The following UIMC1 variants were observed in gnomAD, a reference collection of about 807,000 sequenced individuals.
UIMC1 encodes ubiquitin interaction motif containing 1.
UIMC1 carries 42 observed loss-of-function variants against 84.9 expected under a neutral mutation model. The ratio of observed to expected loss-of-function variants is 0.49; its 90% CI spans 0.39 to 0.64. The LOEUF (loss-of-function observed/expected upper bound fraction) is 0.64, where lower values mean the gene tolerates loss of function less well. UIMC1 is among the 30% of genes least tolerant of loss of function. The pLI is 0.00. For synonymous variants in UIMC1, 281 were observed against 293.0 expected (o/e 0.96, Z 0.42); for missense variants, 825 against 847.6 (o/e 0.97, Z 0.33).
Position 176,905,089 on chromosome 5 carries a change from C to T in UIMC1, c.*193G>A, listed in dbSNP as rs548631750. 5 of 459,888 alleles carry T rather than the reference C, an allele frequency of 1.1e-5. No homozygotes were observed. In the South Asian group the frequency reaches 2.5e-4, roughly 23 times the overall value. 28.5% of individuals were successfully genotyped at this position (459,888 alleles called of 1,614,324 possible). ...TTAACTGTAAGTAAATTCAAACAAA[C>T]TGTTATAAAACAGAATACACAGTTG... On this transcript the variant is annotated 3_prime_UTR_variant, in exon 15 of 15. Coordinates refer to ENST00000511320, the MANE Select transcript of UIMC1 (RefSeq NM_001199298.2).
chr5:176,967,149 C>A (rs1768425611), intron 6 of UIMC1, among the ~76,000 whole-genome samples: 1 of 152,134 alleles, frequency 6.6e-6, no homozygotes, highest in African/African-American at 2.4e-5. Context: ...ATTATAAATA[C>A]ATTTTTTGGT....
chr5:176,993,645 C>T (rs1364394164), intron 1 of UIMC1, among the ~76,000 whole-genome samples: 1 of 152,082 alleles, frequency 6.6e-6, no homozygotes, highest in Non-Finnish European at 1.5e-5. Context: ...TAAGGCACAA[C>T]CACAACATAT....
chr5:177,017,671 CTTT>C (rs570344600), intron 1 of UIMC1, among the ~76,000 whole-genome samples: 11 of 138,100 alleles, frequency 8.0e-5, no homozygotes, highest in Admixed American at 2.2e-4. Context: ...CACGCTGGCC[CTTT>C]TTTTTTTTTT....
intron 10 of UIMC1, among the ~76,000 whole-genome samples, chr5:176,914,218 C>T (rs900789385): frequency 3.3e-5 from 5 of 151,914 alleles, no homozygotes; most frequent in Admixed American, 2.0e-4. Context: ...TTCAGCTGAA[C>T]ACTCCTATTT....
At chr5:176,940,649 C>G (rs1301053528) in intron 10 of UIMC1, among the ~76,000 whole-genome samples, 1 of 152,088 alleles carries the variant, frequency 6.6e-6, no homozygotes, top group Non-Finnish European at 1.5e-5. Flanking sequence ...CTTCAGTGCT[C>G]TGCCACTAAA....
intron 3 of UIMC1, 142 bp downstream of exon 3, chr5:176,975,254 A>C: frequency 3.9e-6 from 3 of 762,748 alleles, no homozygotes; most frequent in Non-Finnish European, 6.1e-6. Flanking sequence ...CCTTACAACA[A>C]TAGCAACAAA....
At chr5:176,914,595 G>A (rs1232520363) in intron 10 of UIMC1, among the ~76,000 whole-genome samples, 2 of 152,160 alleles carry the variant, frequency 1.3e-5, no homozygotes, top group African/African-American at 2.4e-5. Flanking sequence ...AAAGAGATAT[G>A]CGTAATAAAA....
intron 10 of UIMC1, among the ~76,000 whole-genome samples, chr5:176,914,157 A>AT (rs1018289395): frequency 2.6e-4 from 39 of 148,738 alleles, no homozygotes; most frequent in Admixed American, 4.7e-4. Context: ...GTTGCTGGGT[A>AT]TTTTTTTTTT....
At chr5:176,924,351 C>T (rs1314311369) in intron 10 of UIMC1, among the ~76,000 whole-genome samples, 1 of 151,380 alleles carries the variant, frequency 6.6e-6, no homozygotes, top group Non-Finnish European at 1.5e-5. Flanking sequence ...TAATATCTAC[C>T]ACAATCTTGA....
intron 1 of UIMC1, among the ~76,000 whole-genome samples, chr5:176,999,016 C>T (rs577820840): frequency 6.6e-6 from 1 of 151,850 alleles, no homozygotes; most frequent in South Asian, 2.1e-4. Context: ...ACAGCAAGAC[C>T]CCGTCCCTAC....
At chr5:176,987,875 A>G (rs1772260680) in intron 1 of UIMC1, among the ~76,000 whole-genome samples, 1 of 151,738 alleles carries the variant, frequency 6.6e-6, no homozygotes, top group African/African-American at 2.4e-5. Context: ...GTGGGCTGTA[A>G]TCCCAAAACT....
At chr5:176,972,263 A>C (rs1769357914) in intron 3 of UIMC1, among the ~76,000 whole-genome samples, 1 of 151,972 alleles carries the variant, frequency 6.6e-6, no homozygotes, top group Non-Finnish European at 1.5e-5. Flanking sequence ...TCAGCCAGGC[A>C]TGGTGGTGAG....
chr5:176,988,282 TG>T, intron 1 of UIMC1, among the ~76,000 whole-genome samples: 1 of 152,222 alleles, frequency 6.6e-6, no homozygotes, highest in South Asian at 2.1e-4. Context: ...CTGGAGAAAC[TG>T]GAACTCTAGT....
In UIMC1 at chr5:176,943,368, T is replaced by C. The variant is rs1581472186; in HGVS notation, c.1564A>G (p.Met522Val). ...FPPTKIERHA[M>V]YCNGLMEEDT... ...TCCTCCATCAGACCATTGCAGTACATGGCATGTCGTTCAATCTTTGTGGGT... is the reference window on the plus strand; with the variant it reads ...TCCTCCATCAGACCATTGCAGTACACGGCATGTCGTTCAATCTTTGTGGGT... The change falls in exon 10 of 15, where the codon ATG becomes GTG. Residue 522 changes from methionine to valine, a missense_variant. Met to Val is a conservative substitution (Grantham distance 21, BLOSUM62 1). Coordinates refer to ENST00000511320, the MANE Select transcript of UIMC1 (RefSeq NM_001199298.2). The C allele has an allele frequency of 1.9e-6, 3 of 1,614,162 alleles. No individual in the cohort carries two copies. Among genetic ancestry groups the C allele is most frequent in the East Asian group, 2.2e-5 (1 of 44,882 alleles).
intron 1 of UIMC1, among the ~76,000 whole-genome samples, chr5:176,999,697 T>A (rs1457407991): frequency 6.6e-6 from 1 of 152,186 alleles, no homozygotes; most frequent in Admixed American, 6.6e-5. Context: ...CATAATGACC[T>A]CCAGTTTCAC....
chr5:176,908,817 A>C, intron 11 of UIMC1, 123 bp from the exon 12 acceptor site: 1 of 952,270 alleles, frequency 1.1e-6, no homozygotes. Flanking sequence ...AGACATATCA[A>C]CCAATGCAGA....
intron 10 of UIMC1, among the ~76,000 whole-genome samples, chr5:176,927,221 A>G (rs1369842794): frequency 7.1e-6 from 1 of 140,770 alleles, no homozygotes; most frequent in Non-Finnish European, 1.5e-5. Context: ...AAAAAAAAAA[A>G]AAAAGCACCA....
At chr5:176,966,856 AG>A (rs1378887154) in intron 6 of UIMC1, among the ~76,000 whole-genome samples, 1 of 152,244 alleles carries the variant, frequency 6.6e-6, no homozygotes, top group African/African-American at 2.4e-5. Flanking sequence ...ACAAACCAAT[AG>A]ATTATCAAAA....
intron 1 of UIMC1, among the ~76,000 whole-genome samples, chr5:176,991,088 A>G (rs910755556): frequency 1.3e-5 from 2 of 151,898 alleles, no homozygotes; most frequent in African/African-American, 2.4e-5. Flanking sequence ...GCTCACTGCA[A>G]GCTCTGCCTC....
Sources: gnomAD v4.1 joint callset for allele counts (sites outside exome capture counted in the v4.1 genomes callset) on GRCh38, gnomAD v4.1.1 for gene constraint, MANE v1.5 for transcripts, NCBI Gene and HGNC (gene_info 2026-07-23, HGNC 2026-07-21) for gene names.